The following TENM3 variants were observed in gnomAD, a reference collection of about 807,000 sequenced individuals.
TENM3 encodes the protein teneurin-3.
In TENM3, 63 loss-of-function variants were observed where a neutral mutation model predicts 255.1. The ratio of observed to expected loss-of-function variants is 0.25; its 90% CI spans 0.20 to 0.30. The LOEUF (loss-of-function observed/expected upper bound fraction) is 0.30. TENM3 is among the 10% of genes least tolerant of loss of function. TENM3 has a pLI of 1.00. For synonymous variants in TENM3, 1,306 were observed against 1,322.3 expected (o/e 0.99, Z 0.27); for missense variants, 2,929 against 3,461.1 (o/e 0.85, Z 3.86).
chr4:182,563,750 G>A (rs1414880586), intron 3 of TENM3, among the ~76,000 whole-genome samples: 4 of 152,148 alleles, frequency 2.6e-5, no homozygotes, highest in Non-Finnish European at 4.4e-5. Flanking sequence ...CATATAATGA[G>A]TGCTTTCAGT....
At chr4:182,227,216 G>A (rs967886676) in intron 1 of TENM3, among the ~76,000 whole-genome samples, 45 of 152,288 alleles carry the variant, frequency 3.0e-4, no homozygotes, top group African/African-American at 1.0e-3. Flanking sequence ...ACCTCAGAGA[G>A]TGGACAGTGC....
intron 1 of TENM3, among the ~76,000 whole-genome samples, chr4:182,198,405 G>A (rs890288798): frequency 6.6e-6 from 1 of 152,232 alleles, no homozygotes; most frequent in African/African-American, 2.4e-5. Flanking sequence ...AGCACTTTGT[G>A]AACTCAAGGC....
the TENM3 span, among the ~76,000 whole-genome samples, chr4:181,865,197 T>A: frequency 6.6e-6 from 1 of 152,184 alleles, no homozygotes; most frequent in Non-Finnish European, 1.5e-5. Context: ...CAATACGCTG[T>A]TTGGATATTA....
chr4:182,566,218 A>T (rs556737752), intron 3 of TENM3, among the ~76,000 whole-genome samples: 1 of 152,214 alleles, frequency 6.6e-6, no homozygotes, highest in African/African-American at 2.4e-5. Context: ...CTTAATGTCC[A>T]TATGGCATTT....
intron 1 of TENM3, among the ~76,000 whole-genome samples, chr4:182,224,382 T>C (rs991424499): frequency 6.6e-6 from 1 of 152,178 alleles, no homozygotes; most frequent in Non-Finnish European, 1.5e-5. Context: ...TTTCCTGGCA[T>C]GTATTGGGTA....
chr4:182,386,164 G>T (rs184900477), intron 3 of TENM3, among the ~76,000 whole-genome samples: 55 of 152,310 alleles, frequency 3.6e-4, no homozygotes, highest in African/African-American at 1.3e-3. Flanking sequence ...GTATCTTTGT[G>T]CCTTTTGTTT....
chr4:182,371,371 T>A (rs1020849142), intron 3 of TENM3, among the ~76,000 whole-genome samples: 3 of 152,188 alleles, frequency 2.0e-5, no homozygotes, highest in African/African-American at 7.2e-5. Context: ...TTGTCTAAAA[T>A]GTGTATCAAC....
intron 3 of TENM3, among the ~76,000 whole-genome samples, chr4:182,371,172 T>C (rs17073168): frequency 0.029 from 4,328 of 151,858 alleles, 134 homozygotes; most frequent in African/African-American, 0.078. Context: ...CACTGAGCTT[T>C]TTCCCAGTTT....
intron 3 of TENM3, among the ~76,000 whole-genome samples, chr4:182,356,483 G>A (rs1013705902): frequency 2.0e-4 from 30 of 152,196 alleles, no homozygotes; most frequent in East Asian, 5.8e-4. Flanking sequence ...AGGAGAGAGC[G>A]TGGCTGAGGG....
At chr4:182,641,532 G>T (rs772892524) in intron 5 of TENM3, among the ~76,000 whole-genome samples, 51 of 142,238 alleles carry the variant, frequency 3.6e-4, no homozygotes, top group African/African-American at 6.7e-4. Context: ...TTTTTTTGTT[G>T]TTTTTTTTTT....
At chr4:181,970,716 A>T in the TENM3 span, among the ~76,000 whole-genome samples, 1 of 152,178 alleles carries the variant, frequency 6.6e-6, no homozygotes, top group Admixed American at 6.5e-5. Flanking sequence ...TTGTCTCAGC[A>T]TTCCTCAGCT....
chr4:181,677,799 A>T, the TENM3 span, among the ~76,000 whole-genome samples: 1 of 152,010 alleles, frequency 6.6e-6, no homozygotes, highest in Admixed American at 6.6e-5. Context: ...TCATACTCGC[A>T]CCTTCCTCTT....
At chr4:181,693,619 A>T in the TENM3 span, among the ~76,000 whole-genome samples, 1 of 152,212 alleles carries the variant, frequency 6.6e-6, no homozygotes, top group East Asian at 1.9e-4. Context: ...TTTAAGCTCC[A>T]GCAGCTCACA....
chr4:181,933,107 T>C, the TENM3 span, among the ~76,000 whole-genome samples: 2 of 152,220 alleles, frequency 1.3e-5, no homozygotes, highest in African/African-American at 4.8e-5. Flanking sequence ...GGCACCTGCA[T>C]ACCTATATAA....
At chr4:182,006,597 T>A in the TENM3 span, among the ~76,000 whole-genome samples, 1 of 152,126 alleles carries the variant, frequency 6.6e-6, no homozygotes, top group African/African-American at 2.4e-5. Context: ...TCTTATTATG[T>A]CTATTTGATT....
At chr4:182,577,151 GAA>G (rs1745010144) in intron 3 of TENM3, among the ~76,000 whole-genome samples, 1 of 152,120 alleles carries the variant, frequency 6.6e-6, no homozygotes. Flanking sequence ...TAGCTTATCG[GAA>G]AAACCTTCTG....
intron 6 of TENM3, among the ~76,000 whole-genome samples, chr4:182,672,420 C>T (rs1324108327): frequency 6.6e-6 from 1 of 152,162 alleles, no homozygotes; most frequent in Non-Finnish European, 1.5e-5. Flanking sequence ...AGCACTTAAG[C>T]TTACCCCTCC....
chr4:181,637,195 A>T, the TENM3 span, among the ~76,000 whole-genome samples: 1 of 148,948 alleles, frequency 6.7e-6, no homozygotes, highest in African/African-American at 2.5e-5. Context: ...AAAATTAGTT[A>T]TAATTATTCT....
intron 1 of TENM3, among the ~76,000 whole-genome samples, chr4:182,195,023 TCACA>T (rs70954299): frequency 0.11 from 16,403 of 146,898 alleles, 997 homozygotes; most frequent in African/African-American, 0.18. Context: ...ACAGTCTCTA[TCACA>T]CACACACACA....
Sources: gnomAD v4.1 joint callset for allele counts (sites outside exome capture counted in the v4.1 genomes callset) on GRCh38, gnomAD v4.1.1 for gene constraint, MANE v1.5 for transcripts, NCBI Gene and HGNC (gene_info 2026-07-23, HGNC 2026-07-21) for gene names.